RBFOX1: variants seen among roughly 807,000 people sequenced by gnomAD.
RBFOX1 encodes the protein RNA binding fox-1 homolog 1.
In RBFOX1, 8 loss-of-function variants were observed where a neutral mutation model predicts 57.7. The observed-to-expected ratio is 0.14, with a 90% CI of 0.08 to 0.25. RBFOX1 has a LOEUF of 0.25. Ranked by LOEUF, RBFOX1 falls within the 10% of genes least tolerant of loss-of-function variation. The probability of loss-of-function intolerance (pLI) is 1.00; values close to 1 mark genes in which losing one functional copy is unlikely to be tolerated. For synonymous variants in RBFOX1, 326 were observed against 222.4 expected, an observed-to-expected ratio of 1.47 and a Z score of -4.15; for missense variants, 611 against 548.5, an observed-to-expected ratio of 1.11 and a Z score of -1.14.
At chr16:5,907,812 A>G (rs1428609627) in intron 4 of RBFOX1, among the ~76,000 whole-genome samples, 1 of 151,532 alleles carries the variant, frequency 6.6e-6, no homozygotes, top group Non-Finnish European at 1.5e-5. Context: ...GTGTAGTGGT[A>G]TGATCTCAGC....
intron 2 of RBFOX1, among the ~76,000 whole-genome samples, chr16:6,532,960 G>C (rs1432503299): frequency 6.6e-6 from 1 of 152,138 alleles, no homozygotes; most frequent in Non-Finnish European, 1.5e-5. Context: ...GTCTCCCAGT[G>C]TCCCTGTGGA....
intron 5 of RBFOX1, among the ~76,000 whole-genome samples, chr16:7,567,821 C>T (rs1414009583): frequency 1.4e-5 from 2 of 147,872 alleles, no homozygotes; most frequent in South Asian, 2.1e-4. Flanking sequence ...ATATATATAC[C>T]TATATATATC....
intron 4 of RBFOX1, among the ~76,000 whole-genome samples, chr16:7,372,765 AAG>A (rs2097592046): frequency 6.6e-6 from 1 of 151,950 alleles, no homozygotes; most frequent in African/African-American, 2.4e-5. Flanking sequence ...GGAAAAGGAG[AAG>A]AGAGGGAGAA....
chr16:5,392,365 T>C lies in RBFOX1; in HGVS notation c.220-74851T>C, dbSNP rs529662778. On this transcript the variant is annotated intron_variant, in intron 1 of 2. Transcript: ENST00000585867. ...GCCTGGTGACTTCTTATTAACTTCA[T>C]CATCTGCAAAGGCCGTACTTCCAAA... Among the ~76,000 whole-genome samples the C allele has an allele frequency of 9.6e-4, 146 of 152,210 alleles. 2 individuals are homozygous for C. Among genetic ancestry groups the C allele is most frequent in the African/African-American group, 3.3e-3 (135 of 41,532 alleles).
chr16:6,953,327 A>G (rs1019498866), intron 3 of RBFOX1, among the ~76,000 whole-genome samples: 4 of 152,150 alleles, frequency 2.6e-5, no homozygotes, highest in African/African-American at 9.7e-5. Flanking sequence ...AGTCTCTTTC[A>G]CCAGCAACTT....
chr16:7,443,201 C>A (rs1262257043), intron 4 of RBFOX1, among the ~76,000 whole-genome samples: 1 of 151,996 alleles, frequency 6.6e-6, no homozygotes, highest in Admixed American at 6.6e-5. Flanking sequence ...TCATGTACTA[C>A]CACCTTTTTT....
intron 1 of RBFOX1, among the ~76,000 whole-genome samples, chr16:5,305,822 C>G (rs988589929): frequency 6.6e-6 from 1 of 152,090 alleles, no homozygotes; most frequent in African/African-American, 2.4e-5. Context: ...AGTCGGGAGG[C>G]CTAGGTGGGG....
At chr16:6,399,420 G>A (rs1445993489) in intron 2 of RBFOX1, among the ~76,000 whole-genome samples, 1 of 152,180 alleles carries the variant, frequency 6.6e-6, no homozygotes, top group East Asian at 1.9e-4. Context: ...GATCTCTAGG[G>A]CAGGAGCAAA....
chr16:6,525,954 G>A (rs2096572045), intron 2 of RBFOX1, among the ~76,000 whole-genome samples: 1 of 152,236 alleles, frequency 6.6e-6, no homozygotes, highest in Middle Eastern at 3.4e-3. Context: ...GGAACTAATG[G>A]TGGCTGAATG....
chr16:6,446,569 G>T (rs569995982), intron 2 of RBFOX1, among the ~76,000 whole-genome samples: 1 of 152,228 alleles, frequency 6.6e-6, no homozygotes, highest in Admixed American at 6.5e-5. Flanking sequence ...GGGACCCTAG[G>T]GGGCAGTGCT....
intron 1 of RBFOX1, among the ~76,000 whole-genome samples, chr16:6,238,755 A>T (rs1011018120): frequency 1.6e-4 from 24 of 152,218 alleles, no homozygotes; most frequent in Admixed American, 5.2e-4. Flanking sequence ...CTATTTTTTT[A>T]AAATGTTTTT....
At chr16:5,903,306 C>T (rs568614174) in intron 4 of RBFOX1, among the ~76,000 whole-genome samples, 21 of 152,302 alleles carry the variant, frequency 1.4e-4, no homozygotes, top group African/African-American at 4.8e-4. Context: ...TCTTGCCCTC[C>T]CTGCTGTGCA....
intron 4 of RBFOX1, among the ~76,000 whole-genome samples, chr16:5,873,114 C>T (rs558354420): frequency 6.6e-6 from 1 of 152,142 alleles, no homozygotes; most frequent in Non-Finnish European, 1.5e-5. Flanking sequence ...CATGCCACTG[C>T]ATAGTCCAGC....
intron 4 of RBFOX1, among the ~76,000 whole-genome samples, chr16:7,270,981 CAT>C (rs2095306346): frequency 6.6e-6 from 1 of 152,136 alleles, no homozygotes; most frequent in South Asian, 2.1e-4. Context: ...GGAAGACACA[CAT>C]GTGCAAGTTG....
At chr16:6,191,669 A>G (rs1316477752) in intron 1 of RBFOX1, among the ~76,000 whole-genome samples, 1 of 152,134 alleles carries the variant, frequency 6.6e-6, no homozygotes, top group African/African-American at 2.4e-5. Flanking sequence ...CCAAAAGGCA[A>G]TTTCTGTTGC....
At chr16:5,771,004 A>T (rs2053959719) in intron 3 of RBFOX1, among the ~76,000 whole-genome samples, 1 of 152,178 alleles carries the variant, frequency 6.6e-6, no homozygotes, top group Non-Finnish European at 1.5e-5. Flanking sequence ...TGGTCTGCAA[A>T]CGAGCAGTGT....
chr16:6,348,474 T>C (rs372669036), intron 2 of RBFOX1, among the ~76,000 whole-genome samples: 5 of 152,112 alleles, frequency 3.3e-5, no homozygotes, highest in African/African-American at 9.7e-5. Flanking sequence ...CTTGGTGAGA[T>C]GGTATATCAG....
chr16:7,258,673 C>G (rs572403315), intron 4 of RBFOX1, among the ~76,000 whole-genome samples: 10 of 152,246 alleles, frequency 6.6e-5, no homozygotes, highest in African/African-American at 2.4e-4. Context: ...GGCTGAATTT[C>G]AAATGAACTG....
At chr16:5,398,567 CGTGT>C (rs141831881) in intron 1 of RBFOX1, among the ~76,000 whole-genome samples, 31 of 148,876 alleles carry the variant, frequency 2.1e-4, no homozygotes, top group Non-Finnish European at 3.3e-4. Flanking sequence ...TGCATCTGTA[CGTGT>C]GTGTGTGTGT....
Sources: allele counts gnomAD v4.1 joint callset (sites outside exome capture counted in the v4.1 genomes callset), GRCh38; gene constraint gnomAD v4.1.1; transcripts MANE v1.5; gene names NCBI Gene and HGNC (gene_info 2026-07-23, HGNC 2026-07-21).